Variants in TFEC observed in about 807,000 individuals in gnomAD.
The protein encoded by TFEC is class E basic helix-loop-helix protein 34.
In TFEC, 31 loss-of-function variants were observed where a neutral mutation model predicts 41.6. The observed-to-expected ratio is 0.74, with a 90% CI of 0.56 to 1.01. The LOEUF is 1.01. Among genes scored for constraint, TFEC ranks in the 50% least tolerant of loss-of-function variants. The probability of loss-of-function intolerance (pLI) is 0.00; values close to 1 mark genes in which losing one functional copy is unlikely to be tolerated. For missense variants in TFEC, 402 were observed against 404.1 expected (o/e 0.99, Z 0.04); for synonymous variants, 143 against 140.6 (o/e 1.02, Z -0.12).
At chr7:115,944,013 ATTTTTT>A (rs1160114562) in intron 6 of TFEC, among the ~76,000 whole-genome samples, 2,425 of 22,876 alleles carry the variant, frequency 0.11, 98 homozygotes, top group South Asian at 0.32. Flanking sequence ...ACAGGTCTGA[ATTTTTT>A]TTTTTTTTTT....
At chr7:116,026,225 A>G (rs921102594) in intron 1 of TFEC, among the ~76,000 whole-genome samples, 2 of 152,228 alleles carry the variant, frequency 1.3e-5, no homozygotes, top group African/African-American at 4.8e-5. Flanking sequence ...CATGCTTTTC[A>G]CAACTCTGCA....
At chr7:116,053,603 G>A (rs989099136) in intron 3 of TFEC, among the ~76,000 whole-genome samples, 2 of 152,126 alleles carry the variant, frequency 1.3e-5, no homozygotes, top group Non-Finnish European at 2.9e-5. Flanking sequence ...TGGATTAATG[G>A]GTTATCATGT....
At chr7:116,116,987 T>C (rs533781967) in intron 1 of TFEC, among the ~76,000 whole-genome samples, 1 of 151,990 alleles carries the variant, frequency 6.6e-6, no homozygotes, top group East Asian at 1.9e-4. Flanking sequence ...TGCAAACAAA[T>C]GTAATAACAT....
intron 3 of TFEC, among the ~76,000 whole-genome samples, chr7:116,087,583 T>C (rs1315568873): frequency 6.6e-6 from 1 of 152,086 alleles, no homozygotes; most frequent in Non-Finnish European, 1.5e-5. Context: ...TAAATCCTTT[T>C]CTACAAATTC....
At chr7:116,156,837 G>A (rs556103946) in intron 1 of TFEC, among the ~76,000 whole-genome samples, 2 of 152,206 alleles carry the variant, frequency 1.3e-5, no homozygotes, top group East Asian at 1.9e-4. Context: ...TGGACTAAAT[G>A]GCCATTAACA....
At chr7:116,103,988 T>C (rs966193555) in intron 3 of TFEC, among the ~76,000 whole-genome samples, 3 of 152,110 alleles carry the variant, frequency 2.0e-5, no homozygotes, top group African/African-American at 7.2e-5. Context: ...AGAGGAAGAT[T>C]ATGAAGTTAA....
rs548599929 is a variant in TFEC, at chr7:116,020,770, AT to A, written c.-73+9862del. ...AAAATCTATCTAATCGTACCATTGG[AT>A]TTTTTTTTTTAAGTACAGGAGATAG... On this transcript the variant is annotated intron_variant, in intron 1 of 7. Coordinates refer to ENST00000265440, the MANE Select transcript of TFEC (RefSeq NM_012252.4). Among the ~76,000 whole-genome samples the A allele has an allele frequency of 3.4e-3, 508 of 148,450 alleles. 1 individual carries two copies. Among genetic ancestry groups the A allele is most frequent in the African/African-American group, 9.7e-3 (397 of 40,724 alleles).
At chr7:116,018,251 G>A (rs531331078) in intron 1 of TFEC, among the ~76,000 whole-genome samples, 1 of 152,294 alleles carries the variant, frequency 6.6e-6, no homozygotes, top group Admixed American at 6.5e-5. Flanking sequence ...AGCTAGCAGA[G>A]CCAGAATTTG....
At chr7:116,116,278 G>A (rs558807622) in intron 1 of TFEC, among the ~76,000 whole-genome samples, 1 of 151,964 alleles carries the variant, frequency 6.6e-6, no homozygotes, top group South Asian at 2.1e-4. Context: ...GCTTGGAGAA[G>A]AAAAGAAGTA....
At chr7:116,156,760 TG>T (rs1798877365) in intron 1 of TFEC, among the ~76,000 whole-genome samples, 1 of 152,192 alleles carries the variant, frequency 6.6e-6, no homozygotes, top group Non-Finnish European at 1.5e-5. Context: ...AGGCTCCTAA[TG>T]TTTTCTTGTT....
chr7:116,109,115 A>C (rs1026075020), intron 3 of TFEC, among the ~76,000 whole-genome samples: 2 of 151,952 alleles, frequency 1.3e-5, no homozygotes, highest in African/African-American at 4.8e-5. Context: ...AAAACCATAA[A>C]AACCCTAGAA....
chr7:116,136,374 G>A lies in TFEC; in HGVS notation c.-69+23416C>T, dbSNP rs1208008955. 2.6e-5 allele frequency among the ~76,000 whole-genome samples: 4 copies of A among 151,830 alleles called. No homozygotes were observed. The East Asian group carries it at 5.8e-4, about 22-fold the overall frequency. On this transcript the variant is annotated intron_variant, in intron 1 of 8. Coordinates refer to the TFEC transcript ENST00000484212. ...TGCTAAAATTGATTAAATTATACTA[G>A]ATTTCATCAAGCCTATGGTACAGCT...
upstream of TFEC, chr7:116,030,765 C>T: frequency 1.0e-6 from 1 of 985,328 alleles, no homozygotes; most frequent in South Asian, 4.7e-5. Context: ...GTAATGAATA[C>T]TTTGGGCTGG....
intron 1 of TFEC, among the ~76,000 whole-genome samples, chr7:116,138,210 T>G (rs1372721385): frequency 1.3e-5 from 2 of 152,208 alleles, no homozygotes; most frequent in African/African-American, 4.8e-5. Context: ...GCCATTATAT[T>G]TATAATGAAT....
chr7:116,118,846 T>C (rs2116186487), intron 1 of TFEC, among the ~76,000 whole-genome samples: 1 of 151,990 alleles, frequency 6.6e-6, no homozygotes, highest in South Asian at 2.1e-4. Flanking sequence ...AGGTTTATAA[T>C]GACACAAATA....
intron 3 of TFEC, among the ~76,000 whole-genome samples, chr7:116,094,964 G>T (rs1218430505): frequency 6.6e-6 from 1 of 152,140 alleles, no homozygotes; most frequent in Non-Finnish European, 1.5e-5. Context: ...AACACATTGT[G>T]CTTTAAATAT....
At chr7:116,154,692 C>G (rs867104225) in intron 1 of TFEC, among the ~76,000 whole-genome samples, 5 of 152,056 alleles carry the variant, frequency 3.3e-5, no homozygotes, top group Admixed American at 6.6e-5. Flanking sequence ...TTCCTTTCTC[C>G]CAGGTTCTGT....
chr7:116,011,824 AGTT>A (rs1251087181), intron 1 of TFEC, among the ~76,000 whole-genome samples: 1 of 152,012 alleles, frequency 6.6e-6, no homozygotes, highest in Non-Finnish European at 1.5e-5. Flanking sequence ...CAACAGAGCT[AGTT>A]GTTTAAAAGA....
chr7:115,960,064 A>T (rs914078396), intron 3 of TFEC, among the ~76,000 whole-genome samples: 2 of 151,406 alleles, frequency 1.3e-5, no homozygotes, highest in Non-Finnish European at 3.0e-5. Flanking sequence ...ATGCCTAATA[A>T]GAATGATAGA....
Sources: allele counts gnomAD v4.1 joint callset (sites outside exome capture counted in the v4.1 genomes callset), GRCh38; gene constraint gnomAD v4.1.1; transcripts MANE v1.5; gene names NCBI Gene and HGNC (gene_info 2026-07-23, HGNC 2026-07-21).